FER: variants seen among roughly 807,000 people sequenced by gnomAD.
FER encodes the protein FER tyrosine kinase.
In FER, 63 loss-of-function variants were observed where a neutral mutation model predicts 111.0. The observed-to-expected ratio is 0.57, with a 90% CI of 0.46 to 0.70. FER has a LOEUF of 0.70. Ranked by LOEUF, FER falls within the 30% of genes least tolerant of loss-of-function variation. The pLI, the probability that FER is intolerant of heterozygous loss-of-function variation, is 0.00. For synonymous variants in FER, 327 were observed against 313.9 expected (o/e 1.04, Z -0.44); for missense variants, 914 against 954.0 (o/e 0.96, Z 0.55).
At chr5:108,946,011 ATATTT>A (rs1311036452) in intron 10 of FER, 114 bp from the exon 11 acceptor site, 2 of 622,722 alleles carry the variant, frequency 3.2e-6, no homozygotes, top group African/African-American at 3.7e-5. Flanking sequence ...CAGGAAGTTT[ATATTT>A]TATTTAGTTG....
At chr5:108,978,367 CA>C (rs1378417666) in intron 13 of FER, among the ~76,000 whole-genome samples, 1 of 152,102 alleles carries the variant, frequency 6.6e-6, no homozygotes, top group Non-Finnish European at 1.5e-5. Flanking sequence ...TGCAATTTAC[CA>C]AAATCCCTTT....
At chr5:109,169,010 TAA>T (rs1188403222) in intron 17 of FER, among the ~76,000 whole-genome samples, 2 of 152,196 alleles carry the variant, frequency 1.3e-5, no homozygotes, top group Admixed American at 6.6e-5. Context: ...CAAATTTCAT[TAA>T]GAGACCAAAA....
chr5:108,991,216 C>A (rs753647100), intron 13 of FER, among the ~76,000 whole-genome samples: 1 of 151,602 alleles, frequency 6.6e-6, no homozygotes, highest in Admixed American at 6.6e-5. Flanking sequence ...TGTGTATATA[C>A]GCACATGTAT....
intron 3 of FER, among the ~76,000 whole-genome samples, chr5:108,823,198 G>A (rs1759086547): frequency 6.6e-6 from 1 of 152,146 alleles, no homozygotes; most frequent in African/African-American, 2.4e-5. Context: ...AGTTTTGGTG[G>A]GGACAAACAA....
At chr5:108,785,332 C>A in intron 2 of FER, 1 of 566,420 alleles carries the variant, frequency 1.8e-6, no homozygotes, top group Non-Finnish European at 3.5e-6. Context: ...GCTTCAGCCC[C>A]AACTGCTACT....
chr5:109,011,756 C>G (rs75542724), intron 13 of FER, among the ~76,000 whole-genome samples: 329 of 152,302 alleles, frequency 2.2e-3, no homozygotes, highest in Middle Eastern at 6.8e-3. Flanking sequence ...ATCTACAGAC[C>G]TGTGCAGATT....
At chr5:108,882,402 A>G (rs892539155) in intron 8 of FER, among the ~76,000 whole-genome samples, 3 of 152,006 alleles carry the variant, frequency 2.0e-5, no homozygotes, top group Admixed American at 6.6e-5. Context: ...ATAATGTCAT[A>G]TGCTTATTGA....
chr5:109,078,445 A>G (rs1369053918), intron 16 of FER, among the ~76,000 whole-genome samples: 2 of 152,194 alleles, frequency 1.3e-5, no homozygotes, highest in Non-Finnish European at 2.9e-5. Context: ...TCATAAAACT[A>G]GGAGACATTC....
chr5:109,072,864 C>T (rs1775927733), intron 16 of FER, among the ~76,000 whole-genome samples: 1 of 152,088 alleles, frequency 6.6e-6, no homozygotes, highest in Non-Finnish European at 1.5e-5. Context: ...TTTATTCCTG[C>T]TTCTTCCTAG....
intron 17 of FER, among the ~76,000 whole-genome samples, chr5:109,127,019 C>T (rs1486297309): frequency 6.6e-6 from 1 of 152,180 alleles, no homozygotes; most frequent in Non-Finnish European, 1.5e-5. Context: ...TCTATCTTAG[C>T]CTTTCATGAA....
chr5:108,913,815 A>G (rs1355522994), intron 10 of FER, among the ~76,000 whole-genome samples: 2 of 152,254 alleles, frequency 1.3e-5, no homozygotes, highest in African/African-American at 2.4e-5. Flanking sequence ...GATACTCCGC[A>G]GTAATGAAAA....
intron 18 of FER, among the ~76,000 whole-genome samples, chr5:109,185,600 G>A (rs1284158019): frequency 6.6e-6 from 1 of 152,046 alleles, no homozygotes; most frequent in Admixed American, 6.6e-5. Flanking sequence ...CACAGAGAAA[G>A]TAAGCTTGCA....
intron 13 of FER, among the ~76,000 whole-genome samples, chr5:108,966,490 C>G (rs560919346): frequency 1.3e-5 from 2 of 150,526 alleles, no homozygotes; most frequent in South Asian, 4.2e-4. Context: ...TGGGTTCAAG[C>G]AATTCTCCTG....
intron 8 of FER, among the ~76,000 whole-genome samples, chr5:108,878,168 A>G (rs558564604): frequency 2.2e-4 from 34 of 152,164 alleles, no homozygotes; most frequent in African/African-American, 7.7e-4. Context: ...CAGCCTCCCA[A>G]AGTGCTGCGA....
chr5:108,994,402 C>T (rs1452833873), intron 13 of FER, among the ~76,000 whole-genome samples: 2 of 152,072 alleles, frequency 1.3e-5, no homozygotes, highest in Admixed American at 6.6e-5. Flanking sequence ...CCAGGTTTGT[C>T]GAAGATCAGA....
intron 18 of FER, among the ~76,000 whole-genome samples, chr5:109,182,692 C>G (rs1758408526): frequency 1.3e-5 from 2 of 152,120 alleles, no homozygotes; most frequent in Non-Finnish European, 2.9e-5. Flanking sequence ...AACAATTTTG[C>G]CAAGTAAAAT....
At chr5:108,785,213 G>A in intron 2 of FER, 1 of 599,412 alleles carries the variant, frequency 1.7e-6, no homozygotes. Flanking sequence ...GTCTCCAAAT[G>A]GATCCCTCTG....
intron 9 of FER, among the ~76,000 whole-genome samples, chr5:108,887,992 A>G (rs1747430706): frequency 6.6e-6 from 1 of 151,886 alleles, no homozygotes; most frequent in Non-Finnish European, 1.5e-5. Context: ...ATTTAAAAAT[A>G]CCTTATGTAT....
intron 13 of FER, among the ~76,000 whole-genome samples, chr5:108,986,025 A>G (rs979641300): frequency 1.1e-4 from 16 of 152,208 alleles, no homozygotes; most frequent in African/African-American, 3.9e-4. Context: ...TGTTTTCCAT[A>G]GTGGTTATAC....
Sources: allele counts gnomAD v4.1 joint callset (sites outside exome capture counted in the v4.1 genomes callset), GRCh38; gene constraint gnomAD v4.1.1; transcripts MANE v1.5; gene names NCBI Gene and HGNC (gene_info 2026-07-23, HGNC 2026-07-21).